The following GRIA3 variants were observed in gnomAD, a reference collection of about 807,000 sequenced individuals.
GRIA3 encodes glutamate ionotropic receptor AMPA type subunit 3.
In GRIA3, 3 loss-of-function variants were observed where a neutral mutation model predicts 63.0. The ratio of observed to expected loss-of-function variants is 0.05; its 90% CI spans 0.02 to 0.12. The LOEUF (loss-of-function observed/expected upper bound fraction) is 0.12. Among genes scored for constraint, GRIA3 ranks in the 10% least tolerant of loss-of-function variants. GRIA3 has a pLI of 1.00. For synonymous variants in GRIA3, 274 were observed against 257.9 expected, an observed-to-expected ratio of 1.06 and a Z score of -0.60; for missense variants, 347 against 700.9, an observed-to-expected ratio of 0.50 and a Z score of 5.70.
At chrX:123,463,602 G>A (rs1569440768) in intron 12 of GRIA3, among the ~76,000 whole-genome samples, 10 of 32,838 alleles carry the variant, frequency 3.0e-4, no homozygotes, top group African/African-American at 1.4e-3. Context: ...GAGGGAGGGA[G>A]GGAGGGAGGG....
chrX:123,489,476 T>G lies in GRIA3; in HGVS notation c.*766T>G, dbSNP rs1276265202. 1 of 112,411 alleles carries G rather than the reference T, an allele frequency of 8.9e-6. No individual in the cohort carries two copies. 9.3% of individuals were successfully genotyped at this position (112,411 alleles called of 1,213,427 possible). On this transcript the variant is annotated 3_prime_UTR_variant, in exon 16 of 16. Transcript: ENST00000620443. Reference sequence around the variant, plus strand: ...ATTTACAGAGCTTTCGAAATTGACTTTGTGTGTAGCAAGGGACGGGGCACT... The same window carrying G: ...ATTTACAGAGCTTTCGAAATTGACTGTGTGTGTAGCAAGGGACGGGGCACT...
chrX:123,207,133 G>A (rs995619049), intron 2 of GRIA3, among the ~76,000 whole-genome samples: 3 of 101,369 alleles, frequency 3.0e-5, no homozygotes, highest in Non-Finnish European at 6.0e-5. Context: ...AACAGACATG[G>A]TGGAGGAAAA....
At chrX:123,360,855 TCACA>T (rs10548566) in intron 5 of GRIA3, among the ~76,000 whole-genome samples, 7,256 of 46,240 alleles carry the variant, frequency 0.16, 660 homozygotes, top group South Asian at 0.36. Flanking sequence ...TCTCTCTCTC[TCACA>T]CACACACACA....
intron 3 of GRIA3, among the ~76,000 whole-genome samples, chrX:123,320,081 A>T (rs141177107): frequency 2.8e-3 from 313 of 111,779 alleles, no homozygotes; most frequent in African/African-American, 9.9e-3. Flanking sequence ...GAAGACACAG[A>T]AAAGGAAAGA....
intron 4 of GRIA3, among the ~76,000 whole-genome samples, chrX:123,333,288 G>T (rs940518520): frequency 3.6e-5 from 4 of 111,528 alleles, no homozygotes; most frequent in African/African-American, 1.3e-4. Context: ...AGCTACCTAA[G>T]AAATCACTGA....
At chrX:123,373,133 G>A (rs1441821166) in intron 5 of GRIA3, among the ~76,000 whole-genome samples, 1 of 109,836 alleles carries the variant, frequency 9.1e-6, no homozygotes. Flanking sequence ...TTCTGTCCTT[G>A]TGATAGTTTG....
intron 4 of GRIA3, among the ~76,000 whole-genome samples, chrX:123,344,827 G>T (rs111979720): frequency 0.032 from 3,558 of 111,380 alleles, 155 homozygotes; most frequent in African/African-American, 0.11. Context: ...CTTTGATGAG[G>T]ATCCCATCAT....
rs75337499 is a variant in GRIA3 at position 123,459,690 on chromosome X, T to G, written c.2077-5175T>G. 6.1e-3 allele frequency among the ~76,000 whole-genome samples: 682 copies of G among 110,922 alleles called. 13 individuals carry two copies. The East Asian group carries it at 0.076, about 12-fold the overall frequency. On this transcript the variant is annotated intron_variant, in intron 12 of 15. Transcript: ENST00000620443. Reference sequence around the variant, plus strand: ...GTGGGATGAATGAAATGAATGGTGGTGGGTTGGAGAAAAATGAACTTGTTA... The same window carrying G: ...GTGGGATGAATGAAATGAATGGTGGGGGGTTGGAGAAAAATGAACTTGTTA...
chrX:123,378,395 A>AT (rs1483179553), intron 5 of GRIA3, among the ~76,000 whole-genome samples: 5 of 105,620 alleles, frequency 4.7e-5, no homozygotes, highest in Admixed American at 1.0e-4. Flanking sequence ...GAGACTCAGT[A>AT]TTATCAACTT....
At chrX:123,296,944 G>A (rs770181223) in intron 3 of GRIA3, among the ~76,000 whole-genome samples, 2 of 111,446 alleles carry the variant, frequency 1.8e-5, no homozygotes, top group African/African-American at 6.5e-5. Flanking sequence ...TAAAATGCTC[G>A]ATTTCACTTT....
intron 5 of GRIA3, among the ~76,000 whole-genome samples, chrX:123,383,609 T>C (rs1480154699): frequency 8.9e-6 from 1 of 112,054 alleles, no homozygotes; most frequent in Non-Finnish European, 1.9e-5. Context: ...GCAAATGACA[T>C]GATTTCATTC....
chrX:123,311,421 C>T (rs1245395003), intron 3 of GRIA3, among the ~76,000 whole-genome samples: 1 of 111,717 alleles, frequency 9.0e-6, no homozygotes, highest in South Asian at 3.8e-4. Context: ...CTAATTAGAG[C>T]GTAAAGAATG....
At chrX:123,460,617 G>A (rs919889949) in intron 12 of GRIA3, among the ~76,000 whole-genome samples, 3 of 111,789 alleles carry the variant, frequency 2.7e-5, no homozygotes, top group Non-Finnish European at 3.8e-5. Flanking sequence ...TACTTTTGGC[G>A]AGTAGAGAAG....
chrX:123,376,331 G>GA (rs1194781048), intron 5 of GRIA3, among the ~76,000 whole-genome samples: 9 of 111,697 alleles, frequency 8.1e-5, no homozygotes, highest in South Asian at 3.8e-4. Context: ...CTGCTATTCA[G>GA]AAAAAAAATT....
chrX:123,240,989 C>T (rs2044326519), intron 2 of GRIA3, among the ~76,000 whole-genome samples: 1 of 111,572 alleles, frequency 9.0e-6, no homozygotes, highest in Non-Finnish European at 1.9e-5. Flanking sequence ...ATTGCCTAAA[C>T]TGTGAATGTG....
intron 5 of GRIA3, among the ~76,000 whole-genome samples, chrX:123,366,223 C>G (rs930471829): frequency 2.7e-5 from 3 of 111,368 alleles, no homozygotes; most frequent in Non-Finnish European, 5.7e-5. Flanking sequence ...CTAACCACCT[C>G]GGAATGCAGC....
intron 3 of GRIA3, among the ~76,000 whole-genome samples, chrX:123,255,436 G>T (rs1442494156): frequency 3.6e-5 from 4 of 110,787 alleles, no homozygotes; most frequent in Non-Finnish European, 7.5e-5. Flanking sequence ...ACTGTATACA[G>T]CGTAATCTAG....
At chrX:123,448,379 CT>C (rs1283321274) in intron 12 of GRIA3, among the ~76,000 whole-genome samples, 2 of 111,750 alleles carry the variant, frequency 1.8e-5, no homozygotes, top group African/African-American at 3.3e-5. Context: ...ACCTACCCCC[CT>C]GTCTCTCAAC....
At chrX:123,363,316 C>T (rs186564359) in intron 5 of GRIA3, among the ~76,000 whole-genome samples, 1 of 112,226 alleles carries the variant, frequency 8.9e-6, no homozygotes, top group East Asian at 2.8e-4. Flanking sequence ...TGTTTTCCCC[C>T]TGTACAAAAT....
Sources: gnomAD v4.1 joint callset for allele counts (sites outside exome capture counted in the v4.1 genomes callset) on GRCh38, gnomAD v4.1.1 for gene constraint, MANE v1.5 for transcripts, NCBI Gene and HGNC (gene_info 2026-07-23, HGNC 2026-07-21) for gene names.